Variants in FBXL17 observed in about 807,000 individuals in gnomAD.
FBXL17 encodes the protein F-box and leucine rich repeat protein 17.
Under a neutral mutation model 66.2 loss-of-function variants are expected in FBXL17, and 22 were observed. The ratio of observed to expected loss-of-function variants is 0.33; its 90% CI spans 0.24 to 0.47. The LOEUF (loss-of-function observed/expected upper bound fraction) is 0.47, where lower values mean the gene tolerates loss of function less well. Among genes scored for constraint, FBXL17 ranks in the 20% least tolerant of loss-of-function variants. FBXL17 has a pLI of 1.00. For missense variants in FBXL17, 878 were observed against 948.2 expected, an observed-to-expected ratio of 0.93 and a Z score of 0.97; for synonymous variants, 474 against 400.5, an observed-to-expected ratio of 1.18 and a Z score of -2.19.
At position 108,293,730 on chromosome 5, in the gene FBXL17, G is replaced by A. The variant is rs187629966; in HGVS notation, c.1506+54669C>T. Among the ~76,000 whole-genome samples the A allele has an allele frequency of 2.1e-4, 32 of 151,994 alleles. No individual in the cohort carries two copies. In the East Asian group the frequency reaches 6.2e-3, roughly 29 times the overall value. ...ATTATTTAAGAACATTATTAATAACGAGGATCTCACTCAGAAGTAATGTAT... is the reference window on the plus strand; with the variant it reads ...ATTATTTAAGAACATTATTAATAACAAGGATCTCACTCAGAAGTAATGTAT... On this transcript the variant is annotated intron_variant, in intron 4 of 8. Coordinates refer to ENST00000542267, the MANE Select transcript of FBXL17 (RefSeq NM_001163315.3).
At chr5:108,362,008 T>C (rs186112459) in intron 3 of FBXL17, among the ~76,000 whole-genome samples, 46 of 152,304 alleles carry the variant, frequency 3.0e-4, no homozygotes, top group East Asian at 2.9e-3. Context: ...TGCATTTTTC[T>C]TGTCTAGCAT....
chr5:107,950,625 C>T (rs1461527677), intron 7 of FBXL17, among the ~76,000 whole-genome samples: 1 of 152,152 alleles, frequency 6.6e-6, no homozygotes, highest in African/African-American at 2.4e-5. Flanking sequence ...TCATCTGGCA[C>T]AATTTTGCAG....
At chr5:108,320,456 A>T (rs926936837) in intron 4 of FBXL17, among the ~76,000 whole-genome samples, 22 of 151,370 alleles carry the variant, frequency 1.5e-4, no homozygotes, top group Admixed American at 3.3e-4. Context: ...CCAAAAAAAA[A>T]TTTTTTTTTG....
chr5:107,894,196 C>T (rs570399799), intron 7 of FBXL17, among the ~76,000 whole-genome samples: 1 of 152,242 alleles, frequency 6.6e-6, no homozygotes, highest in Admixed American at 6.5e-5. Context: ...ATTTACTAAG[C>T]TTTTCCTGAA....
At chr5:108,153,351 T>A (rs958124582) in intron 6 of FBXL17, among the ~76,000 whole-genome samples, 1 of 152,244 alleles carries the variant, frequency 6.6e-6, no homozygotes, top group African/African-American at 2.4e-5. Flanking sequence ...GGAAGCATTA[T>A]GATACATGGC....
chr5:108,156,012 T>G (rs1452107682), intron 6 of FBXL17, among the ~76,000 whole-genome samples: 1 of 152,148 alleles, frequency 6.6e-6, no homozygotes, highest in Non-Finnish European at 1.5e-5. Flanking sequence ...AAATGTAGCT[T>G]TAATTTTAAT....
intron 4 of FBXL17, chr5:108,298,615 A>T: frequency 1.1e-6 from 1 of 933,898 alleles, no homozygotes; most frequent in Non-Finnish European, 1.3e-6. Flanking sequence ...TCTTTTTTTT[A>T]ATAGCAAAGT....
chr5:108,088,724 A>G (rs1471803229), intron 6 of FBXL17, among the ~76,000 whole-genome samples: 1 of 149,232 alleles, frequency 6.7e-6, no homozygotes, highest in Non-Finnish European at 1.5e-5. Context: ...AAAAAAAAAA[A>G]AAAAAAAAAA....
intron 7 of FBXL17, among the ~76,000 whole-genome samples, chr5:108,019,930 T>A (rs1277518555): frequency 4.0e-5 from 6 of 149,714 alleles, no homozygotes; most frequent in Non-Finnish European, 8.9e-5. Context: ...TTTCTAAATG[T>A]AAAAAAAAAA....
chr5:108,230,409 T>C (rs1378650860), intron 4 of FBXL17, among the ~76,000 whole-genome samples: 1 of 152,184 alleles, frequency 6.6e-6, no homozygotes, highest in Admixed American at 6.5e-5. Flanking sequence ...AATGAATTAA[T>C]GGCATTCACA....
chr5:108,264,835 A>G (rs1756982364), intron 4 of FBXL17, among the ~76,000 whole-genome samples: 1 of 151,676 alleles, frequency 6.6e-6, no homozygotes. Flanking sequence ...AAACCGGTCA[A>G]TTACTTTCGA....
chr5:108,255,755 A>T (rs1756549769), intron 4 of FBXL17, among the ~76,000 whole-genome samples: 1 of 152,150 alleles, frequency 6.6e-6, no homozygotes, highest in Admixed American at 6.5e-5. Context: ...CCTCTGCCCC[A>T]TCACAGGTAC....
chr5:107,908,941 C>T (rs1469225909), intron 7 of FBXL17, among the ~76,000 whole-genome samples: 1 of 152,098 alleles, frequency 6.6e-6, no homozygotes, highest in Non-Finnish European at 1.5e-5. Flanking sequence ...TTCTATCTGC[C>T]GTTGTCAGTG....
At chr5:108,198,529 T>C (rs1296642086) in intron 5 of FBXL17, among the ~76,000 whole-genome samples, 1 of 152,168 alleles carries the variant, frequency 6.6e-6, no homozygotes, top group Non-Finnish European at 1.5e-5. Flanking sequence ...TCACCTGTCA[T>C]GGATAGTGAA....
chr5:108,173,522 A>C (rs1454486021), intron 6 of FBXL17, among the ~76,000 whole-genome samples: 1 of 152,228 alleles, frequency 6.6e-6, no homozygotes, highest in African/African-American at 2.4e-5. Flanking sequence ...TATTACAGTA[A>C]AGAAATGATA....
chr5:108,293,160 A>G (rs74669710), intron 4 of FBXL17, among the ~76,000 whole-genome samples: 7,548 of 151,784 alleles, frequency 0.05, 631 homozygotes, highest in African/African-American at 0.17. Context: ...TTAGTTTCTT[A>G]TTAGTCTGAA....
At chr5:108,370,355 T>A (rs993052020) in intron 1 of FBXL17, among the ~76,000 whole-genome samples, 2 of 152,166 alleles carry the variant, frequency 1.3e-5, no homozygotes, top group Non-Finnish European at 2.9e-5. Context: ...TAAGCTAGAA[T>A]CTCTACTATG....
intron 5 of FBXL17, among the ~76,000 whole-genome samples, chr5:108,196,761 T>A (rs1286877848): frequency 6.6e-6 from 1 of 151,954 alleles, no homozygotes; most frequent in East Asian, 2.0e-4. Flanking sequence ...TATTTGAACA[T>A]AAAGTAATAT....
chr5:108,368,127 G>C (rs939295872), intron 1 of FBXL17, among the ~76,000 whole-genome samples, 174 bp from the exon 2 acceptor site: 1 of 152,004 alleles, frequency 6.6e-6, no homozygotes, highest in Non-Finnish European at 1.5e-5. Context: ...TATGATACAG[G>C]AGCTAAAAAC....
Sources: allele counts gnomAD v4.1 joint callset (sites outside exome capture counted in the v4.1 genomes callset), GRCh38; gene constraint gnomAD v4.1.1; transcripts MANE v1.5; gene names NCBI Gene and HGNC (gene_info 2026-07-23, HGNC 2026-07-21).